The following OTC variants were observed in gnomAD, a reference collection of about 807,000 sequenced individuals.
OTC encodes ornithine transcarbamylase, mitochondrial.
In OTC, 3 loss-of-function variants were observed where a neutral mutation model predicts 30.3. The ratio of observed to expected loss-of-function variants is 0.10; its 90% CI spans 0.05 to 0.26. The LOEUF is 0.26. Among genes scored for constraint, OTC ranks in the 10% least tolerant of loss-of-function variants. The pLI, the probability that OTC is intolerant of heterozygous loss-of-function variation, is 1.00. For synonymous variants in OTC, 111 were observed against 99.7 expected (o/e 1.11, Z -0.67); for missense variants, 194 against 260.3 (o/e 0.75, Z 1.75).
At chrX:38,399,629 C>G (rs2068474841) in intron 4 of OTC, among the ~76,000 whole-genome samples, 1 of 110,554 alleles carries the variant, frequency 9.0e-6, no homozygotes, top group Non-Finnish European at 1.9e-5. Flanking sequence ...AGCCTGTAAT[C>G]CTAGCTACTT....
intron 3 of OTC, among the ~76,000 whole-genome samples, chrX:38,370,556 C>T (rs1181745623): frequency 9.0e-6 from 1 of 111,553 alleles, no homozygotes; most frequent in Non-Finnish European, 1.9e-5. Context: ...AAAGGGGTCA[C>T]TGGAGAACCT....
At chrX:38,378,718 G>C (rs1243713540) in intron 3 of OTC, among the ~76,000 whole-genome samples, 2 of 112,325 alleles carry the variant, frequency 1.8e-5, no homozygotes, top group Non-Finnish European at 3.8e-5. Context: ...CCACAGACAT[G>C]AGATGTGCCA....
At chrX:38,380,270 G>T (rs1041902178) in intron 3 of OTC, among the ~76,000 whole-genome samples, 1 of 112,049 alleles carries the variant, frequency 8.9e-6, no homozygotes, top group Non-Finnish European at 1.9e-5. Flanking sequence ...AATTCACCGT[G>T]CAATTAATGA....
At chrX:38,387,490 C>T (rs1355570230) in intron 4 of OTC, among the ~76,000 whole-genome samples, 2 of 111,628 alleles carry the variant, frequency 1.8e-5, no homozygotes, top group Non-Finnish European at 3.8e-5. Flanking sequence ...GCTGAAATCT[C>T]GTTAGCTTGG....
chrX:38,349,311 G>A (rs2068203581), upstream of OTC, among the ~76,000 whole-genome samples: 1 of 112,230 alleles, frequency 8.9e-6, no homozygotes, highest in Admixed American at 9.4e-5. Flanking sequence ...TGTAGAATGT[G>A]CTTCATAGTT....
intron 1 of OTC, among the ~76,000 whole-genome samples, chrX:38,362,516 A>G (rs1439116973): frequency 1.8e-5 from 2 of 112,124 alleles, no homozygotes; most frequent in African/African-American, 6.5e-5. Context: ...TCTGTTCTAT[A>G]TACATTTGAA....
chrX:38,396,209 G>C (rs950824463), intron 4 of OTC, among the ~76,000 whole-genome samples: 17 of 108,481 alleles, frequency 1.6e-4, no homozygotes, highest in African/African-American at 5.4e-4. Context: ...TGATCCGCCT[G>C]CCTCAGCTTC....
intron 4 of OTC, among the ~76,000 whole-genome samples, chrX:38,384,040 A>C (rs1185670719): frequency 8.9e-6 from 1 of 112,153 alleles, no homozygotes; most frequent in African/African-American, 3.2e-5. Context: ...TGTGGAGAAA[A>C]TGACAGATTA....
intron 4 of OTC, among the ~76,000 whole-genome samples, chrX:38,398,178 A>C (rs748427390): frequency 8.9e-6 from 1 of 111,938 alleles, no homozygotes; most frequent in South Asian, 3.7e-4. Flanking sequence ...TGAAAGACTC[A>C]TGTGTACAGG....
At chrX:38,337,363 T>C in the OTC span, among the ~76,000 whole-genome samples, 1 of 112,526 alleles carries the variant, frequency 8.9e-6, no homozygotes, top group Non-Finnish European at 1.9e-5. Context: ...CTCTGCACTG[T>C]GTGCCTTCTG....
intron 1 of OTC, among the ~76,000 whole-genome samples, chrX:38,360,167 C>T (rs927487508): frequency 6.3e-5 from 7 of 110,485 alleles, no homozygotes; most frequent in African/African-American, 1.3e-4. Context: ...GTGATCCGCC[C>T]GCCTCGTCCT....
chrX:38,359,667 C>A lies in OTC; in HGVS notation c.77+6894C>A, dbSNP rs754946892. Reference sequence around the variant, plus strand: ...AACTCCTGACGTCAGGTGATCTGCCCGCCTCAGCCTCCCAAAGTGCTGGGA... The same window carrying A: ...AACTCCTGACGTCAGGTGATCTGCCAGCCTCAGCCTCCCAAAGTGCTGGGA... On this transcript the variant is annotated intron_variant, in intron 1 of 9. Coordinates refer to ENST00000039007, the MANE Select transcript of OTC (RefSeq NM_000531.6). Among the ~76,000 whole-genome samples, 4 of 110,795 alleles carry A rather than the reference C, an allele frequency of 3.6e-5. No homozygotes were observed. In the South Asian group the frequency reaches 1.1e-3, roughly 32 times the overall value.
intron 9 of OTC, 68 bp from the exon 10 acceptor site, chrX:38,420,952 CCTT>C (rs1041718888): frequency 4.2e-5 from 33 of 786,825 alleles, no homozygotes; most frequent in Admixed American, 1.1e-4. Context: ...ACCTAATTCA[CCTT>C]CTCTAGGTCC....
intron 4 of OTC, among the ~76,000 whole-genome samples, chrX:38,396,628 C>G (rs755007463): frequency 9.0e-6 from 1 of 110,884 alleles, no homozygotes. Context: ...CAAAAATTAG[C>G]CGGGCGTAGT....
At chrX:38,340,473 G>GTTTTTTTTTTTTTT in the OTC span, among the ~76,000 whole-genome samples, 161 of 55,948 alleles carry the variant, frequency 2.9e-3, no homozygotes, top group Non-Finnish European at 3.7e-3. Context: ...TTTTTTTTTT[G>GTTTTTTTTTTTTTT]TTTTTTTTTT....
intron 8 of OTC, 77 bp from the exon 9 acceptor site, chrX:38,411,785 G>A (rs952843869): frequency 2.0e-6 from 2 of 999,430 alleles, no homozygotes; most frequent in Admixed American, 2.2e-5. Context: ...GGCCATGTGT[G>A]TTTTTAGATA....
chrX:38,328,970 C>T, the OTC span, among the ~76,000 whole-genome samples: 8 of 112,271 alleles, frequency 7.1e-5, no homozygotes, highest in East Asian at 2.2e-3. Context: ...CTTAGAGCAA[C>T]AGCAAAGATA....
intron 1 of OTC, among the ~76,000 whole-genome samples, chrX:38,366,983 G>A (rs1278291853): frequency 9.0e-6 from 1 of 110,630 alleles, no homozygotes; most frequent in African/African-American, 3.3e-5. Context: ...TTCGAGACCA[G>A]CCTGGTCACC....
the OTC span, among the ~76,000 whole-genome samples, chrX:38,339,868 T>C: frequency 1.8e-5 from 2 of 111,833 alleles, no homozygotes; most frequent in African/African-American, 6.5e-5. Context: ...GCATCAGTTT[T>C]ACTTTACATT....
Sources: allele counts gnomAD v4.1 joint callset (sites outside exome capture counted in the v4.1 genomes callset), GRCh38; gene constraint gnomAD v4.1.1; transcripts MANE v1.5; gene names NCBI Gene and HGNC (gene_info 2026-07-23, HGNC 2026-07-21).